TOP2B: variants seen among roughly 807,000 people sequenced by gnomAD.
TOP2B encodes the protein DNA topoisomerase II beta.
A neutral mutation model predicts 193.5 loss-of-function variants in TOP2B; 51 were observed. The observed-to-expected ratio is 0.26, with a 90% CI of 0.21 to 0.33. The LOEUF (loss-of-function observed/expected upper bound fraction) is 0.33. Among genes scored for constraint, TOP2B ranks in the 10% least tolerant of loss-of-function variants. TOP2B has a pLI of 1.00. For synonymous variants in TOP2B, 634 were observed against 635.7 expected (o/e 1.00, Z 0.04); for missense variants, 1,378 against 1,909.3 (o/e 0.72, Z 5.19).
Position 25,626,566 on chromosome 3 carries a change from C to G in TOP2B, c.2218G>C (p.Val740Leu). The part of the protein sequence containing the change: ...SDNERSIPSL[V>L]DGFKPGQRKV... ...GTTTTTAAATATTACTCACCATCAA[C>G]AAGAGATGGTATAGATCTTTCATTG... The change falls in exon 18 of 36, where the codon GTT (valine) becomes CTT (leucine). Residue 740 changes from valine (V) to leucine (L), a missense_variant. Coordinates refer to ENST00000264331, the MANE Select transcript of TOP2B (RefSeq NM_001330700.2). The G allele has an allele frequency of 6.8e-7, 1 of 1,476,558 alleles. No homozygotes were observed. The highest frequency in any genetic ancestry group is 9.1e-7 in the Non-Finnish European group (1 of 1,104,580). The allele number at this position is 1,476,558 out of a possible 1,614,324, so 91.5% of individuals were successfully genotyped here.
At chr3:25,644,484 T>C (rs983289701) in intron 2 of TOP2B, among the ~76,000 whole-genome samples, 2 of 152,012 alleles carry the variant, frequency 1.3e-5, no homozygotes, top group Non-Finnish European at 2.9e-5. Flanking sequence ...ATGGATCACC[T>C]GAGGTCAGGA....
At chr3:25,664,107 A>T in intron 1 of TOP2B, 122 bp downstream of exon 1, 3 of 1,426,434 alleles carry the variant, frequency 2.1e-6, no homozygotes, top group Non-Finnish European at 2.8e-6. Context: ...ACAGGCCCCT[A>T]TGGAGCGCCC....
rs1488767442 is a variant in TOP2B, at chr3:25,607,206, A to G, written c.4263T>C (p.Tyr1421=). The change falls in exon 31 of 36, where the codon TAT becomes TAC. Residue 1421 remains tyrosine, a synonymous_variant. Transcript: ENST00000264331. The part of the protein sequence containing the change: ...VPSDGLDKDE[Y]TFSPGKSKAT... ...CTTTTGATTTGCCTGGTGAAAATGT[A>G]TATTCATCTTTATCTAACCCATCTG... 7 of 1,612,690 alleles carry G rather than the reference A, an allele frequency of 4.3e-6. No homozygotes were observed. Among genetic ancestry groups the G allele is most frequent in the African/African-American group, 2.7e-5 (2 of 74,904 alleles).
At chr3:25,663,353 C>T (rs1469801351) in intron 1 of TOP2B, among the ~76,000 whole-genome samples, 18 of 152,202 alleles carry the variant, frequency 1.2e-4, no homozygotes, top group African/African-American at 3.6e-4. Flanking sequence ...ACACTTTTTA[C>T]TTTTCTCCGA....
chr3:25,663,510 G>A (rs1198965473), intron 1 of TOP2B, among the ~76,000 whole-genome samples: 1 of 152,114 alleles, frequency 6.6e-6, no homozygotes, highest in African/African-American at 2.4e-5. Flanking sequence ...AGCAAGAACT[G>A]AGCGTCGAAA....
Position 25,638,182 on chromosome 3 carries a change from T to C in TOP2B, c.524A>G (p.Asp175Gly), listed in dbSNP as rs775641676. Residue 175 changes from aspartate (D) to glycine (G), a missense_variant, in exon 5 of 36, where the codon GAT (aspartate) becomes GGT (glycine). By Grantham distance (94) the Asp-to-Gly change is moderately conservative. Around this residue, in one of 9 missense-constraint regions of TOP2B, gnomAD observed 222 missense variants for 306.6 expected, o/e 0.72. Coordinates refer to ENST00000264331, the MANE Select transcript of TOP2B (RefSeq NM_001330700.2). Reference sequence around the variant, plus strand: ...GACTTTACCTGTAACTTTTTTCTCATCATCATCATAGTTACTGGATGTTAA... The same window carrying C: ...GACTTTACCTGTAACTTTTTTCTCACCATCATCATAGTTACTGGATGTTAA... The part of the protein sequence containing the change: ...QLLTSSNYDD[D>G]EKKVTGGRNG... 2 of 1,569,376 alleles carry C rather than the reference T, an allele frequency of 1.3e-6. No individual in the cohort carries two copies. Among genetic ancestry groups the C allele is most frequent in the Non-Finnish European group, 1.7e-6 (2 of 1,155,896 alleles).
chr3:25,640,722 G>C (rs913390937), intron 4 of TOP2B, among the ~76,000 whole-genome samples: 3 of 149,512 alleles, frequency 2.0e-5, no homozygotes, highest in Admixed American at 6.7e-5. Context: ...CCAGTCTACA[G>C]AGTTGTCTTA....
intron 27 of TOP2B, among the ~76,000 whole-genome samples, chr3:25,614,838 A>G (rs1298068008): frequency 6.6e-6 from 1 of 152,046 alleles, no homozygotes; most frequent in Non-Finnish European, 1.5e-5. Context: ...TCTGTTATAA[A>G]TGTAGAGACT....
chr3:25,643,973 T>A (rs1183748277), intron 2 of TOP2B, among the ~76,000 whole-genome samples, 189 bp from the exon 3 acceptor site: 1 of 152,212 alleles, frequency 6.6e-6, no homozygotes, highest in Non-Finnish European at 1.5e-5. Flanking sequence ...GAGAAATTGT[T>A]CATTTTGTAT....
At chr3:25,653,585 A>G (rs1375371535) in intron 1 of TOP2B, among the ~76,000 whole-genome samples, 1 of 151,984 alleles carries the variant, frequency 6.6e-6, no homozygotes, top group Admixed American at 6.6e-5. Context: ...GTGTGCCTCC[A>G]CACCTGGCTA....
intron 28 of TOP2B, among the ~76,000 whole-genome samples, chr3:25,610,928 A>G (rs1388988087): frequency 1.3e-5 from 2 of 152,224 alleles, no homozygotes; most frequent in Non-Finnish European, 2.9e-5. Flanking sequence ...TAGGCAGTCA[A>G]TAGGACTTAG....
At chr3:25,640,540 AACT>A (rs1703227844) in intron 4 of TOP2B, among the ~76,000 whole-genome samples, 1 of 152,150 alleles carries the variant, frequency 6.6e-6, no homozygotes, top group African/African-American at 2.4e-5. Context: ...GAAGCAAATA[AACT>A]TAGTTATAAT....
In TOP2B at chr3:25,606,052, A is replaced by G. The variant is rs1043941524; in HGVS notation, c.4369T>C (p.Ser1457Pro). 2.0e-6 allele frequency: 3 copies of G among 1,489,650 alleles called. No homozygotes were observed. Among genetic ancestry groups the G allele is most frequent in the African/African-American group, 2.8e-5 (2 of 71,354 alleles). 92.3% of individuals were successfully genotyped at this position (1,489,650 alleles called of 1,614,324 possible). A position where few individuals can be genotyped will look rare whatever the true frequency, so the allele number is the denominator to read the frequency against. ...GACTAAATGAACATACCATCTTCTGACTTCTGAGAATATGAAGGAAATGAG... is the reference window on the plus strand; with the variant it reads ...GACTAAATGAACATACCATCTTCTGGCTTCTGAGAATATGAAGGAAATGAG... ...LFSFPSYSQK[S>P]EDDSAKFDSN... The change falls in exon 32 of 36, where the codon TCA becomes CCA. Residue 1457 changes from serine (S) to proline (P), a missense_variant. Coordinates refer to ENST00000264331, the MANE Select transcript of TOP2B (RefSeq NM_001330700.2).
At chr3:25,621,737 C>A (rs1473095549) in intron 21 of TOP2B, among the ~76,000 whole-genome samples, 1 of 151,964 alleles carries the variant, frequency 6.6e-6, no homozygotes, top group Non-Finnish European at 1.5e-5. Flanking sequence ...GCCTGTAATC[C>A]CAGCACTTTG....
Position 25,618,451 on chromosome 3 carries a change from G to C in TOP2B, c.3318C>G (p.Asp1106Glu), listed in dbSNP as rs1373329654. 1 of 1,612,758 alleles carries C rather than the reference G, an allele frequency of 6.2e-7. No homozygotes were observed. The highest frequency in any genetic ancestry group is 1.3e-5 in the African/African-American group (1 of 74,870). The part of the protein sequence containing the change: ...QMLVQRGYES[D>E]PVKAWKEAQE... ...GTGCTTCTTTCCAGGCTTTCACTGG[G>C]TCAGATTCATAACCTCTCTGGACTA... The change falls in exon 25 of 36, where the codon GAC (aspartate) becomes GAG (glutamate). Residue 1106 changes from aspartate to glutamate, a missense_variant. By Grantham distance (45) the Asp-to-Glu change is conservative. This residue lies in a region of TOP2B where 379 missense variants were observed against 615.1 expected (regional missense o/e 0.62). Transcript: ENST00000264331.
intron 28 of TOP2B, among the ~76,000 whole-genome samples, chr3:25,612,108 A>G (rs978648815): frequency 2.0e-5 from 3 of 151,456 alleles, no homozygotes; most frequent in African/African-American, 7.3e-5. Flanking sequence ...CGCCCAGCTA[A>G]TTTTTTGTAT....
intron 1 of TOP2B, among the ~76,000 whole-genome samples, chr3:25,648,020 T>C (rs1258812392): frequency 1.3e-5 from 2 of 151,936 alleles, no homozygotes; most frequent in South Asian, 2.1e-4. Context: ...CAAGGCAAGA[T>C]TGAGAAAAAC....
At chr3:25,629,291 C>T in intron 13 of TOP2B, 146 bp from the exon 14 acceptor site, 1 of 533,676 alleles carries the variant, frequency 1.9e-6, no homozygotes, top group Non-Finnish European at 3.2e-6. Context: ...GATGATCATA[C>T]TAAATTTTTT....
In TOP2B at chr3:25,604,808, G is replaced by A. The variant is rs2125345564; in HGVS notation, c.4441C>T (p.Leu1481=). The change falls in exon 33 of 36, where the codon CTG becomes TTG. Residue 1481 remains leucine (L), a synonymous_variant. Coordinates refer to ENST00000264331, the MANE Select transcript of TOP2B (RefSeq NM_001330700.2). The stretch of plus-strand genomic sequence containing the variant: ...CTTGGAACTTTATCTGTCTGTTTCA[G>A]ACCAAATGATGGTGAAAAAACAGAA... ...SASVFSPSFG[L]KQTDKVPSKT... 1 of 1,612,910 alleles carries A rather than the reference G, an allele frequency of 6.2e-7. No homozygotes were observed. Among genetic ancestry groups the A allele is most frequent in the Admixed American group, 1.7e-5 (1 of 59,974 alleles).
Sources: allele counts gnomAD v4.1 joint callset (sites outside exome capture counted in the v4.1 genomes callset), GRCh38; gene constraint gnomAD v4.1.1; regional missense constraint gnomAD v4.1.1; transcripts MANE v1.5; gene names NCBI Gene and HGNC (gene_info 2026-07-23, HGNC 2026-07-21).